SYT1: variants seen among roughly 807,000 people sequenced by gnomAD.
SYT1 encodes the protein synaptotagmin-1.
SYT1 carries 8 observed loss-of-function variants against 44.8 expected under a neutral mutation model. The observed-to-expected ratio is 0.18, with a 90% CI of 0.10 to 0.32. The LOEUF is 0.32. Among genes scored for constraint, SYT1 ranks in the 10% least tolerant of loss-of-function variants. The probability of loss-of-function intolerance (pLI) is 1.00; values close to 1 mark genes in which losing one functional copy is unlikely to be tolerated. For missense variants in SYT1, 286 were observed against 509.3 expected, an observed-to-expected ratio of 0.56 and a Z score of 4.22; for synonymous variants, 154 against 188.8, an observed-to-expected ratio of 0.82 and a Z score of 1.51.
chr12:79,084,248 C>A (rs1211498841), intron 3 of SYT1, among the ~76,000 whole-genome samples: 1 of 152,002 alleles, frequency 6.6e-6, no homozygotes, highest in Non-Finnish European at 1.5e-5. Flanking sequence ...AATAAATATT[C>A]CATAAATGTT....
chr12:79,345,201 G>C (rs1882554345), intron 8 of SYT1, among the ~76,000 whole-genome samples: 1 of 152,158 alleles, frequency 6.6e-6, no homozygotes, highest in Non-Finnish European at 1.5e-5. Context: ...TAGAAGGCTT[G>C]TCTTAAAGCT....
At chr12:78,947,734 A>G (rs2137280010) in intron 1 of SYT1, among the ~76,000 whole-genome samples, 1 of 152,028 alleles carries the variant, frequency 6.6e-6, no homozygotes, top group South Asian at 2.1e-4. Flanking sequence ...TATTCTTTAT[A>G]TAACTATTTA....
chr12:79,432,889 G>A (rs1280420250), intron 9 of SYT1, among the ~76,000 whole-genome samples: 1 of 152,128 alleles, frequency 6.6e-6, no homozygotes, highest in Non-Finnish European at 1.5e-5. Context: ...TGGGATTACA[G>A]GTGTGAGCCA....
intron 3 of SYT1, among the ~76,000 whole-genome samples, chr12:79,199,797 T>C (rs1465980775): frequency 6.6e-6 from 1 of 152,128 alleles, no homozygotes; most frequent in Non-Finnish European, 1.5e-5. Context: ...TGCTGAGTAT[T>C]GCAAATACAA....
At chr12:78,966,378 A>C (rs1461458724) in intron 1 of SYT1, among the ~76,000 whole-genome samples, 1 of 152,080 alleles carries the variant, frequency 6.6e-6, no homozygotes, top group Non-Finnish European at 1.5e-5. Context: ...ATTTTAAAGA[A>C]GTGAAAACCC....
At chr12:79,006,773 A>C (rs1337039373) in intron 2 of SYT1, among the ~76,000 whole-genome samples, 1 of 152,154 alleles carries the variant, frequency 6.6e-6, no homozygotes, top group African/African-American at 2.4e-5. Context: ...ATCCTGCAAC[A>C]CAGTTCCTGC....
At chr12:79,260,566 G>A (rs574783543) in intron 4 of SYT1, among the ~76,000 whole-genome samples, 20 of 152,150 alleles carry the variant, frequency 1.3e-4, no homozygotes, top group Non-Finnish European at 2.8e-4. Flanking sequence ...AGACTGTCTT[G>A]TGCTTTGGTT....
intron 3 of SYT1, among the ~76,000 whole-genome samples, chr12:79,164,735 G>A (rs1214613929): frequency 2.0e-5 from 3 of 152,002 alleles, no homozygotes; most frequent in Non-Finnish European, 2.9e-5. Context: ...TTGCAAAGTG[G>A]ATAGATTAGA....
chr12:79,424,949 T>C (rs889017927), intron 9 of SYT1, among the ~76,000 whole-genome samples: 6 of 141,994 alleles, frequency 4.2e-5, no homozygotes, highest in African/African-American at 1.6e-4. Flanking sequence ...TGATTTTTCT[T>C]CTTCTTTTTT....
At chr12:79,178,789 A>C (rs995115769) in intron 3 of SYT1, among the ~76,000 whole-genome samples, 2 of 149,878 alleles carry the variant, frequency 1.3e-5, no homozygotes. Context: ...TTATTTATTT[A>C]TTTTTGAGAT....
chr12:79,056,253 G>C (rs1382002104), intron 3 of SYT1, among the ~76,000 whole-genome samples: 1 of 152,046 alleles, frequency 6.6e-6, no homozygotes. Context: ...TGTGAGGGAA[G>C]AAAGAAAAGG....
chr12:79,126,948 A>G (rs1261638456), intron 3 of SYT1, among the ~76,000 whole-genome samples: 2 of 152,158 alleles, frequency 1.3e-5, no homozygotes, highest in African/African-American at 4.8e-5. Flanking sequence ...ATTTTATGTC[A>G]TTGACATTGG....
chr12:78,929,600 A>T (rs957589815), intron 1 of SYT1, among the ~76,000 whole-genome samples: 1 of 151,374 alleles, frequency 6.6e-6, no homozygotes, highest in African/African-American at 2.4e-5. Context: ...TCAAAAGACA[A>T]ATTTTATTTT....
chr12:78,941,097 G>A (rs1362435491), intron 1 of SYT1, among the ~76,000 whole-genome samples: 1 of 112,096 alleles, frequency 8.9e-6, no homozygotes, highest in African/African-American at 3.5e-5. Flanking sequence ...ATGGAGTCTC[G>A]CTCTGTCGCC....
At chr12:79,016,762 A>G (rs1871833223) in intron 2 of SYT1, among the ~76,000 whole-genome samples, 2 of 152,162 alleles carry the variant, frequency 1.3e-5, no homozygotes, top group African/African-American at 4.8e-5. Context: ...CCCAGGATTT[A>G]AATATCTGCA....
In SYT1 at chr12:79,412,880, C is replaced by T. The variant is rs574523877; in HGVS notation, c.929-31193C>T. ...CATATAATTTTTTTAAATTCTTTAC[C>T]GATTCAATAGACCAAAACATCAGCC... is the stretch of plus-strand genomic sequence containing the variant. On this transcript the variant is annotated intron_variant, in intron 9 of 10. Coordinates refer to ENST00000261205, the MANE Select transcript of SYT1 (RefSeq NM_005639.3). 3.3e-5 allele frequency among the ~76,000 whole-genome samples: 5 copies of T among 152,114 alleles called. No individual in the cohort carries two copies. The East Asian group carries it at 5.8e-4, about 18-fold the overall frequency.
intron 1 of SYT1, among the ~76,000 whole-genome samples, chr12:78,892,019 T>C (rs80205045): frequency 0.06 from 9,113 of 151,866 alleles, 810 homozygotes; most frequent in African/African-American, 0.19. Flanking sequence ...TTTTTCATTC[T>C]CTTTCTCCTG....
chr12:79,189,604 C>T (rs1253585800), intron 3 of SYT1, among the ~76,000 whole-genome samples: 1 of 151,982 alleles, frequency 6.6e-6, no homozygotes, highest in Non-Finnish European at 1.5e-5. Flanking sequence ...CTGGTTTACC[C>T]ATGAAAAAAT....
intron 7 of SYT1, among the ~76,000 whole-genome samples, chr12:79,297,275 G>T (rs1879921295): frequency 6.6e-6 from 1 of 152,076 alleles, no homozygotes; most frequent in African/African-American, 2.4e-5. Context: ...ATTTAAAGTA[G>T]CAGTAAAGAC....
Sources: gnomAD v4.1 joint callset for allele counts (sites outside exome capture counted in the v4.1 genomes callset) on GRCh38, gnomAD v4.1.1 for gene constraint, MANE v1.5 for transcripts, NCBI Gene and HGNC (gene_info 2026-07-23, HGNC 2026-07-21) for gene names.